The following METTL15 variants were observed in gnomAD, a reference collection of about 807,000 sequenced individuals.
METTL15 encodes methyltransferase 15, mitochondrial 12S rRNA N4-cytidine, also known as 12S rRNA N(4)-cytidine methyltransferase METTL15.
Under a neutral mutation model 38.3 loss-of-function variants are expected in METTL15, and 34 were observed. That is an observed-to-expected ratio of 0.89 (90% CI 0.68 to 1.18). The LOEUF (loss-of-function observed/expected upper bound fraction) is 1.18. METTL15 is among the 50% of genes most tolerant of loss of function. METTL15 has a pLI of 0.00. For missense variants in METTL15, 438 were observed against 498.4 expected (o/e 0.88, Z 1.15); for synonymous variants, 162 against 170.9 (o/e 0.95, Z 0.41).
intron 3 of METTL15, among the ~76,000 whole-genome samples, chr11:28,339,349 A>C (rs776269463): frequency 3.9e-5 from 6 of 152,076 alleles, no homozygotes; most frequent in Non-Finnish European, 8.8e-5. Flanking sequence ...ACATAAGTTC[A>C]GGGAAATTAA....
chr11:28,222,148 G>T (rs1425151515), intron 4 of METTL15, among the ~76,000 whole-genome samples: 1 of 152,228 alleles, frequency 6.6e-6, no homozygotes. Context: ...CCTGCCTCCA[G>T]AGGTGGAGCC....
At chr11:28,283,896 T>C (rs1463312107) in intron 4 of METTL15, among the ~76,000 whole-genome samples, 2 of 151,270 alleles carry the variant, frequency 1.3e-5, no homozygotes, top group African/African-American at 4.9e-5. Context: ...ATACTGAAAA[T>C]TAAAGTGAAA....
At chr11:28,200,711 G>C (rs1048710413) in intron 3 of METTL15, among the ~76,000 whole-genome samples, 1 of 152,022 alleles carries the variant, frequency 6.6e-6, no homozygotes, top group African/African-American at 2.4e-5. Flanking sequence ...CTCTCTGCTT[G>C]TCTGTTGTTG....
At chr11:28,181,129 TGAGTAGTC>T (rs1159248057) in intron 3 of METTL15, among the ~76,000 whole-genome samples, 1 of 151,608 alleles carries the variant, frequency 6.6e-6, no homozygotes, top group African/African-American at 2.4e-5. Context: ...CCCAGAGGAA[TGAGTAGTC>T]GATTATAAAA....
At chr11:28,295,717 G>T (rs1856707890) in intron 5 of METTL15, among the ~76,000 whole-genome samples, 1 of 152,052 alleles carries the variant, frequency 6.6e-6, no homozygotes, top group Admixed American at 6.6e-5. Context: ...ACAGCAAAAA[G>T]ATTTTCTCCT....
At position 28,116,592 on chromosome 11, in the gene METTL15, G is replaced by A. The variant is rs760652202; in HGVS notation, c.270+2988G>A. Among the ~76,000 whole-genome samples, 12 of 152,072 alleles carry A rather than the reference G, an allele frequency of 7.9e-5. No homozygotes were observed. The South Asian group carries it at 1.0e-3, about 13-fold the overall frequency. On this transcript the variant is annotated intron_variant, in intron 3 of 6. Coordinates refer to ENST00000407364, the MANE Select transcript of METTL15 (RefSeq NM_001113528.2). ...TCATGTTGGATCAGGCAGTTTTCAT[G>A]AACTAAATTTAAGCTATATGTATAA...
At chr11:28,211,972 C>T (rs1852660181) in intron 4 of METTL15, among the ~76,000 whole-genome samples, 1 of 151,914 alleles carries the variant, frequency 6.6e-6, no homozygotes, top group African/African-American at 2.4e-5. Flanking sequence ...CTGTAGTTCA[C>T]ATCAAAAGTT....
At chr11:28,207,174 C>T (rs963341245) in intron 3 of METTL15, among the ~76,000 whole-genome samples, 1 of 150,616 alleles carries the variant, frequency 6.6e-6, no homozygotes, top group Admixed American at 6.6e-5. Flanking sequence ...AGAGGGCATC[C>T]GTGTCTTGTG....
At chr11:28,503,198 C>T (rs571301433) in intron 6 of METTL15, among the ~76,000 whole-genome samples, 106 of 152,280 alleles carry the variant, frequency 7.0e-4, no homozygotes, top group African/African-American at 1.8e-3. Context: ...AAGTGACACA[C>T]CTCACTTGTG....
At chr11:28,183,714 A>G (rs1370619891) in intron 3 of METTL15, among the ~76,000 whole-genome samples, 1 of 151,816 alleles carries the variant, frequency 6.6e-6, no homozygotes, top group African/African-American at 2.4e-5. Context: ...TTGGCCTGAA[A>G]TTTTCTTTTT....
intron 4 of METTL15, among the ~76,000 whole-genome samples, chr11:28,241,388 G>C (rs1854285251): frequency 6.6e-6 from 1 of 151,994 alleles, no homozygotes; most frequent in African/African-American, 2.4e-5. Context: ...AAAAAAATTA[G>C]CTGGGCATGG....
chr11:28,114,288 A>G (rs1290318275), intron 3 of METTL15, among the ~76,000 whole-genome samples: 3 of 151,968 alleles, frequency 2.0e-5, no homozygotes, highest in Non-Finnish European at 4.4e-5. Flanking sequence ...GGGTTCTTCC[A>G]TGGTGTTGCA....
intron 3 of METTL15, among the ~76,000 whole-genome samples, chr11:28,182,404 C>A (rs958129158): frequency 3.3e-5 from 5 of 152,082 alleles, no homozygotes; most frequent in Non-Finnish European, 7.4e-5. Context: ...ATGTTTAAAT[C>A]TTTAATCCAT....
intron 6 of METTL15, among the ~76,000 whole-genome samples, chr11:28,495,161 A>G (rs1206740434): frequency 6.6e-6 from 1 of 152,192 alleles, no homozygotes; most frequent in Non-Finnish European, 1.5e-5. Flanking sequence ...CATGAACATC[A>G]GGGGCTAATA....
chr11:28,338,490 T>C (rs1565265705), downstream of METTL15, among the ~76,000 whole-genome samples: 2 of 152,130 alleles, frequency 1.3e-5, no homozygotes, highest in South Asian at 4.1e-4. Context: ...AAAATCAGTT[T>C]GTCTCTCTAA....
chr11:28,279,269 A>G (rs775704499), intron 4 of METTL15, among the ~76,000 whole-genome samples: 86 of 152,100 alleles, frequency 5.7e-4, no homozygotes, highest in Admixed American at 5.9e-4. Flanking sequence ...CTGTCTTCTT[A>G]CTTTCACCTT....
chr11:28,110,610 A>G (rs1419130765), intron 2 of METTL15, among the ~76,000 whole-genome samples: 2 of 152,054 alleles, frequency 1.3e-5, no homozygotes, highest in African/African-American at 2.4e-5. Flanking sequence ...AAAAGGGTGT[A>G]TTTTTCTCTT....
intron 4 of METTL15, among the ~76,000 whole-genome samples, chr11:28,246,055 G>A (rs1236127376): frequency 2.0e-5 from 3 of 152,014 alleles, no homozygotes; most frequent in Non-Finnish European, 4.4e-5. Context: ...CTGGCGAGGC[G>A]GCGATGAAAA....
intron 5 of METTL15, among the ~76,000 whole-genome samples, chr11:28,368,594 C>T (rs1477526592): frequency 2.6e-5 from 4 of 152,080 alleles, no homozygotes; most frequent in Non-Finnish European, 5.9e-5. Flanking sequence ...GACAGTGTGG[C>T]GATTCCTCAA....
Sources: allele counts gnomAD v4.1 joint callset (sites outside exome capture counted in the v4.1 genomes callset), GRCh38; gene constraint gnomAD v4.1.1; transcripts MANE v1.5; gene names NCBI Gene and HGNC (gene_info 2026-07-23, HGNC 2026-07-21).